The following EDIL3 variants were observed in gnomAD, a reference collection of about 807,000 sequenced individuals.
The protein encoded by EDIL3 is EGF like and discoidin domains 3.
EDIL3 carries 37 observed loss-of-function variants against 67.4 expected under a neutral mutation model. The ratio of observed to expected loss-of-function variants is 0.55; its 90% CI spans 0.42 to 0.72. The LOEUF (loss-of-function observed/expected upper bound fraction) is 0.72. Among genes scored for constraint, EDIL3 ranks in the 30% least tolerant of loss-of-function variants. EDIL3 has a pLI of 0.00. For missense variants in EDIL3, 527 were observed against 586.3 expected (o/e 0.90, Z 1.04); for synonymous variants, 195 against 196.3 (o/e 0.99, Z 0.05).
chr5:84,159,518 C>T (rs557223258), intron 4 of EDIL3, among the ~76,000 whole-genome samples: 6 of 152,044 alleles, frequency 3.9e-5, no homozygotes, highest in Non-Finnish European at 8.8e-5. Flanking sequence ...AATACACATT[C>T]TAGTCCTTTC....
chr5:84,288,369 T>C (rs1745851778), intron 1 of EDIL3, among the ~76,000 whole-genome samples: 3 of 152,206 alleles, frequency 2.0e-5, no homozygotes, highest in Non-Finnish European at 4.4e-5. Context: ...TTATTTTTGA[T>C]GTTTTCACTA....
chr5:83,970,922 T>C (rs1241663280), intron 9 of EDIL3, among the ~76,000 whole-genome samples: 2 of 151,348 alleles, frequency 1.3e-5, no homozygotes, highest in African/African-American at 4.8e-5. Context: ...TCAAAAGGTT[T>C]TCTTGAGTTA....
intron 1 of EDIL3, among the ~76,000 whole-genome samples, chr5:84,323,408 T>A (rs1746687858): frequency 6.6e-6 from 1 of 151,876 alleles, no homozygotes; most frequent in African/African-American, 2.4e-5. Context: ...AGAGAGTAGC[T>A]ATAGAATATA....
chr5:84,120,074 CTA>C (rs918104210), intron 5 of EDIL3, among the ~76,000 whole-genome samples: 5 of 151,916 alleles, frequency 3.3e-5, no homozygotes, highest in African/African-American at 1.2e-4. Context: ...CTATGCATAA[CTA>C]TTGATTTCTT....
chr5:84,070,323 G>C (rs947366087), intron 6 of EDIL3, among the ~76,000 whole-genome samples: 1 of 152,118 alleles, frequency 6.6e-6, no homozygotes, highest in Non-Finnish European at 1.5e-5. Flanking sequence ...AACTAAAAGA[G>C]CACACTGTAA....
intron 9 of EDIL3, among the ~76,000 whole-genome samples, chr5:84,050,291 T>C (rs2112223507): frequency 6.6e-6 from 1 of 151,330 alleles, no homozygotes; most frequent in African/African-American, 2.4e-5. Flanking sequence ...GATGAAACAT[T>C]AGAGTAATAA....
rs1022819775 is a variant in EDIL3 at position 84,138,536 on chromosome 5, C to T, written c.356-1182G>A. 4.6e-5 allele frequency among the ~76,000 whole-genome samples: 7 copies of T among 152,280 alleles called. No homozygotes were observed. The Middle Eastern group carries it at 0.01, about 222-fold the overall frequency. ...TAATGTGCCTTCTGATACCCTATAA[C>T]ATATCAAATGATAGTTCTGAAGTCT... On this transcript the variant is annotated intron_variant, in intron 4 of 10. Coordinates refer to ENST00000296591, the MANE Select transcript of EDIL3 (RefSeq NM_005711.5).
At chr5:84,349,294 T>A (rs1398003850) in intron 1 of EDIL3, among the ~76,000 whole-genome samples, 1 of 152,158 alleles carries the variant, frequency 6.6e-6, no homozygotes, top group Non-Finnish European at 1.5e-5. Flanking sequence ...TCCATGTGTG[T>A]TCTCTGGCCC....
intron 9 of EDIL3, among the ~76,000 whole-genome samples, chr5:83,994,743 T>A (rs1166268078): frequency 6.6e-6 from 1 of 152,204 alleles, no homozygotes; most frequent in Non-Finnish European, 1.5e-5. Context: ...ACCTAAATTA[T>A]GTGCACAGAA....
At chr5:83,976,647 C>T (rs1248402452) in intron 9 of EDIL3, among the ~76,000 whole-genome samples, 1 of 151,752 alleles carries the variant, frequency 6.6e-6, no homozygotes, top group Admixed American at 6.6e-5. Context: ...AAAACCATCA[C>T]CCAACCAACC....
intron 9 of EDIL3, among the ~76,000 whole-genome samples, chr5:84,052,069 G>A (rs1449783955): frequency 1.3e-5 from 2 of 152,234 alleles, no homozygotes; most frequent in South Asian, 4.1e-4. Context: ...GAAAGGTGGG[G>A]TTACCCACAA....
At chr5:84,297,550 G>A (rs1445470709) in intron 1 of EDIL3, among the ~76,000 whole-genome samples, 2 of 152,064 alleles carry the variant, frequency 1.3e-5, no homozygotes, top group African/African-American at 2.4e-5. Context: ...GACGAATTCC[G>A]GCAGAGTCAA....
In EDIL3 at chr5:84,227,245, A is replaced by T. The variant is rs188278084; in HGVS notation, c.226+2610T>A. ...AAGGAACTTAAATCAACAAGGAAAA[A>T]AACAACCCCAGTAAAAATTGGGCAA... On this transcript the variant is annotated intron_variant, in intron 3 of 10. Coordinates refer to ENST00000296591, the MANE Select transcript of EDIL3 (RefSeq NM_005711.5). Among the ~76,000 whole-genome samples, 1,216 of 152,180 alleles carry T rather than the reference A, an allele frequency of 8.0e-3. 6 individuals are homozygous for T. Among genetic ancestry groups the T allele is most frequent in the Middle Eastern group, 0.037 (11 of 294 alleles).
At chr5:84,108,957 C>T (rs1205929183) in intron 5 of EDIL3, among the ~76,000 whole-genome samples, 1 of 152,176 alleles carries the variant, frequency 6.6e-6, no homozygotes, top group East Asian at 1.9e-4. Flanking sequence ...GATATCTTCA[C>T]AGAATTTGTA....
At chr5:83,948,801 G>C (rs922349934) in intron 10 of EDIL3, among the ~76,000 whole-genome samples, 2 of 151,716 alleles carry the variant, frequency 1.3e-5, no homozygotes, top group Non-Finnish European at 2.9e-5. Flanking sequence ...CTATCATTCT[G>C]TGAATTCAAT....
chr5:84,330,562 C>T (rs1195431254), intron 1 of EDIL3, among the ~76,000 whole-genome samples: 6 of 152,082 alleles, frequency 3.9e-5, no homozygotes, highest in Non-Finnish European at 8.8e-5. Context: ...AAAAACATTA[C>T]CTTGATGAAG....
intron 3 of EDIL3, among the ~76,000 whole-genome samples, chr5:84,205,256 C>A (rs113862968): frequency 0.01 from 1,587 of 151,956 alleles, 33 homozygotes; most frequent in African/African-American, 0.036. Context: ...ATATATATAC[C>A]TATATGTTTG....
intron 6 of EDIL3, among the ~76,000 whole-genome samples, chr5:84,079,070 C>T (rs1399067365): frequency 6.6e-6 from 1 of 152,090 alleles, no homozygotes; most frequent in Non-Finnish European, 1.5e-5. Flanking sequence ...AATGAAACTT[C>T]TATAAAACCT....
chr5:83,995,144 A>G (rs1745214697), intron 9 of EDIL3, among the ~76,000 whole-genome samples: 1 of 108,124 alleles, frequency 9.2e-6, no homozygotes, highest in African/African-American at 4.1e-5. Context: ...CAGTATACAC[A>G]CGCACACACA....
Sources: gnomAD v4.1 joint callset for allele counts (sites outside exome capture counted in the v4.1 genomes callset) on GRCh38, gnomAD v4.1.1 for gene constraint, MANE v1.5 for transcripts, NCBI Gene and HGNC (gene_info 2026-07-23, HGNC 2026-07-21) for gene names.